ZDHHC2: variants seen among roughly 807,000 people sequenced by gnomAD.
ZDHHC2 encodes palmitoyltransferase ZDHHC2.
Under a neutral mutation model 55.6 loss-of-function variants are expected in ZDHHC2, and 51 were observed. That is an observed-to-expected ratio of 0.92 (90% CI 0.73 to 1.16). ZDHHC2 has a LOEUF of 1.16. Ranked by LOEUF, ZDHHC2 falls within the 50% of genes most tolerant of loss-of-function variation. ZDHHC2 has a pLI of 0.00. For synonymous variants in ZDHHC2, 199 were observed against 152.9 expected, an observed-to-expected ratio of 1.30 and a Z score of -2.22; for missense variants, 491 against 442.4, an observed-to-expected ratio of 1.11 and a Z score of -0.99.
intron 1 of ZDHHC2, among the ~76,000 whole-genome samples, chr8:17,170,089 G>T (rs1282236469): frequency 6.6e-6 from 1 of 152,204 alleles, no homozygotes; most frequent in Non-Finnish European, 1.5e-5. Flanking sequence ...TGCTGTAGGT[G>T]AATGCAGTGT....
intron 12 of ZDHHC2, 41 bp downstream of exon 12, chr8:17,217,287 T>C: frequency 5.0e-6 from 7 of 1,409,930 alleles, no homozygotes; most frequent in Non-Finnish European, 6.8e-6. Context: ...TTTTTAACAG[T>C]CTTCTAATTT....
chr8:17,192,742 G>A (rs1563156157), intron 3 of ZDHHC2, among the ~76,000 whole-genome samples: 1 of 152,120 alleles, frequency 6.6e-6, no homozygotes, highest in Non-Finnish European at 1.5e-5. Context: ...TCTTTTACTG[G>A]TTTCATAATT....
chr8:17,156,754 A>C lies in ZDHHC2; in HGVS notation c.31A>C (p.Arg11=), dbSNP rs886121885. Residue 11 remains arginine, a synonymous_variant, in exon 1 of 13, where the codon AGG becomes CGG. Transcript: ENST00000262096. MAPSGPGSSA[R]RRCRRVLYWI... ...GCCCTCGGGCCCGGGCAGCAGCGCC[A>C]GGCGGCGGTGCCGGCGGGTGCTGTA... The C allele has an allele frequency of 3.3e-6, 5 of 1,497,326 alleles. No homozygotes were observed. The African/African-American group carries it at 4.4e-5, about 13-fold the overall frequency. The allele number at this position is 1,497,326 out of a possible 1,614,324, so 92.8% of individuals were successfully genotyped here.
chr8:17,192,850 C>T (rs879639600), intron 3 of ZDHHC2, among the ~76,000 whole-genome samples: 1 of 152,142 alleles, frequency 6.6e-6, no homozygotes, highest in African/African-American at 2.4e-5. Flanking sequence ...TATCTAGTTT[C>T]CCCAGCAGCA....
At chr8:17,156,972 G>A (rs1804090015) in intron 1 of ZDHHC2, 119 bp downstream of exon 1, 6 of 931,810 alleles carry the variant, frequency 6.4e-6, no homozygotes, top group Non-Finnish European at 8.7e-6. Context: ...CTGCCAACCT[G>A]CCGCGTCCCG....
At position 17,215,240 on chromosome 8, in the gene ZDHHC2, C is replaced by T. The variant is rs750449463; in HGVS notation, c.954C>T (p.Leu318=). The change falls in exon 11 of 13, where the codon CTC becomes CTT. Residue 318 remains leucine, a synonymous_variant. Coordinates refer to ENST00000262096, the MANE Select transcript of ZDHHC2 (RefSeq NM_016353.5). ...PAGLNSTAKN[L]ENHQFPAKPL... ...TGATTATTCAATTATTATTCAGTCTCGAAAACCATCAGTTTCCTGCAAAGC... is the reference window on the plus strand; with the variant it reads ...TGATTATTCAATTATTATTCAGTCTTGAAAACCATCAGTTTCCTGCAAAGC... 58 of 1,586,372 alleles carry T rather than the reference C, an allele frequency of 3.7e-5. No homozygotes were observed. Among genetic ancestry groups the T allele is most frequent in the Non-Finnish European group, 4.5e-5 (53 of 1,166,066 alleles).
chr8:17,209,921 T>C lies in ZDHHC2; in HGVS notation c.731-11T>C, dbSNP rs1208564225. 2.5e-6 allele frequency: 4 copies of C among 1,603,410 alleles called. No individual in the cohort carries two copies. The highest frequency in any genetic ancestry group is 2.6e-6 in the Non-Finnish European group (3 of 1,176,008). ...CTTTACTCATGTGATTCCTTTACCA[T>C]CTTTTTTTAGAGGCATTCAGAAGTC... On this transcript the variant is annotated splice_polypyrimidine_tract_variant and intron_variant, in intron 8 of 12. Coordinates refer to ENST00000262096, the MANE Select transcript of ZDHHC2 (RefSeq NM_016353.5).
At chr8:17,167,418 G>T (rs1354302169) in intron 1 of ZDHHC2, among the ~76,000 whole-genome samples, 1 of 145,214 alleles carries the variant, frequency 6.9e-6, no homozygotes, top group African/African-American at 2.6e-5. Context: ...TAATTCTCCC[G>T]CCTCAGCCTC....
At chr8:17,198,448 C>A in intron 6 of ZDHHC2, 35 bp downstream of exon 6, 3 of 1,561,584 alleles carry the variant, frequency 1.9e-6, no homozygotes, top group East Asian at 2.3e-5. Flanking sequence ...AGTTTGTGTC[C>A]CTTGTAAATG....
chr8:17,213,020 A>T (rs1207985127), intron 10 of ZDHHC2, among the ~76,000 whole-genome samples: 3 of 151,980 alleles, frequency 2.0e-5, no homozygotes, highest in African/African-American at 7.3e-5. Flanking sequence ...CCTTTCACTT[A>T]CAATCCTCAG....
At chr8:17,199,587 T>C (rs1336335082) in intron 6 of ZDHHC2, among the ~76,000 whole-genome samples, 6 of 113,226 alleles carry the variant, frequency 5.3e-5, no homozygotes, top group East Asian at 3.5e-4. Flanking sequence ...TTCTTCTTCT[T>C]CTTTCTTCTT....
intron 1 of ZDHHC2, 125 bp from the exon 2 acceptor site, chr8:17,184,664 A>C: frequency 5.1e-6 from 4 of 786,026 alleles, no homozygotes; most frequent in Non-Finnish European, 6.0e-6. Flanking sequence ...AAGTTGAATA[A>C]ATATTTAGAG....
At chr8:17,185,610 G>T (rs974018834) in intron 2 of ZDHHC2, among the ~76,000 whole-genome samples, 1 of 152,050 alleles carries the variant, frequency 6.6e-6, no homozygotes, top group African/African-American at 2.4e-5. Flanking sequence ...GGCGGAGGTG[G>T]CAGTGAGCCA....
intron 2 of ZDHHC2, among the ~76,000 whole-genome samples, chr8:17,185,261 A>G (rs1347028909): frequency 1.3e-5 from 2 of 152,246 alleles, no homozygotes; most frequent in African/African-American, 2.4e-5. Context: ...CAAATATGCT[A>G]TATTTAAATT....
chr8:17,186,262 G>T, intron 2 of ZDHHC2, 69 bp from the exon 3 acceptor site: 1 of 991,902 alleles, frequency 1.0e-6, no homozygotes, highest in Non-Finnish European at 1.5e-6. Context: ...CAAGCAGATC[G>T]GTTGTGACTG....
intron 6 of ZDHHC2, 94 bp from the exon 7 acceptor site, chr8:17,205,558 AATT>A: frequency 5.3e-6 from 7 of 1,315,440 alleles, no homozygotes; most frequent in Non-Finnish European, 7.0e-6. Flanking sequence ...AATGCCAATA[AATT>A]AGAAGTGAGA....
chr8:17,204,866 AAGTG>A (rs1378531383), intron 6 of ZDHHC2, among the ~76,000 whole-genome samples: 40 of 152,346 alleles, frequency 2.6e-4, no homozygotes, highest in African/African-American at 8.9e-4. Flanking sequence ...AACAAAAAGA[AAGTG>A]AGCCTATAAA....
chr8:17,215,717 G>A lies in ZDHHC2; in HGVS notation c.1063+368G>A, dbSNP rs141607300. Reference sequence around the variant, plus strand: ...ACTGAAAAGGACCTTAAATTATTCAGTTCTATCTTTTACTCCAAGATTTCT... The same window carrying A: ...ACTGAAAAGGACCTTAAATTATTCAATTCTATCTTTTACTCCAAGATTTCT... On this transcript the variant is annotated intron_variant, in intron 11 of 12. Transcript: ENST00000262096. Among the ~76,000 whole-genome samples, 855 of 152,226 alleles carry A rather than the reference G, an allele frequency of 5.6e-3. 1 individual carries two copies. The highest frequency in any genetic ancestry group is 8.3e-3 in the Non-Finnish European group (567 of 67,998).
chr8:17,218,415 A>G (rs1232628632), intron 12 of ZDHHC2, among the ~76,000 whole-genome samples: 2 of 152,180 alleles, frequency 1.3e-5, no homozygotes, highest in Admixed American at 6.5e-5. Context: ...ATATTTTGAA[A>G]TCATCAGTTG....
Sources: allele counts gnomAD v4.1 joint callset (sites outside exome capture counted in the v4.1 genomes callset), GRCh38; gene constraint gnomAD v4.1.1; transcripts MANE v1.5; gene names NCBI Gene and HGNC (gene_info 2026-07-23, HGNC 2026-07-21).